Variants in HMOX1 observed in about 807,000 individuals in gnomAD.
HMOX1 encodes the protein heme oxygenase 1.
HMOX1 carries 22 observed loss-of-function variants against 27.8 expected under a neutral mutation model. The ratio of observed to expected loss-of-function variants is 0.79; its 90% CI spans 0.57 to 1.13. The LOEUF (loss-of-function observed/expected upper bound fraction) is 1.13, where lower values mean the gene tolerates loss of function less well. Among genes scored for constraint, HMOX1 ranks in the 50% most tolerant of loss-of-function variants. HMOX1 has a pLI of 0.00. For missense variants in HMOX1, 379 were observed against 377.7 expected (o/e 1.00, Z -0.03); for synonymous variants, 153 against 151.6 (o/e 1.01, Z -0.07).
At chr22:35,389,215 CTCTT>C (rs764232156) in intron 3 of HMOX1, among the ~76,000 whole-genome samples, 3,449 of 112,228 alleles carry the variant, frequency 0.031, 179 homozygotes, top group Non-Finnish European at 0.034. Context: ...CTTTCTTTCT[CTCTT>C]TCTTTCTTTC....
rs1474830059 is a variant in HMOX1 at position 35,389,299 on chromosome 22, CTTT to C, written c.637-564_637-562del. Among the ~76,000 whole-genome samples the C allele has an allele frequency of 5.8e-5, 4 of 69,526 alleles. No homozygotes were observed. The East Asian group carries it at 1.5e-3, about 26-fold the overall frequency. 45.6% of individuals were successfully genotyped at this position (69,526 alleles called of 152,430 possible). A position where few individuals can be genotyped will look rare whatever the true frequency, so the allele number is the denominator to read the frequency against. Reference sequence around the variant, plus strand: ...CCTCTCTCTCTCTCTCTTCTTTCTTCTTTCTTTCTTTCTTTCTTTCTTCTTTCT... The same window carrying C: ...CCTCTCTCTCTCTCTCTTCTTTCTTCCTTTCTTTCTTTCTTTCTTCTTTCT... On this transcript the variant is annotated intron_variant, in intron 3 of 4. Transcript: ENST00000216117.
chr22:35,393,780 GA>G lies in HMOX1; in HGVS notation c.*186del. On this transcript the variant is annotated 3_prime_UTR_variant, in exon 5 of 5. Coordinates refer to ENST00000216117, the MANE Select transcript of HMOX1 (RefSeq NM_002133.3). ...AGGAGCCTATGGCATCTTCCCCAAC[GA>G]AAAGCACATCCAGGCAATGGCCTAA... The G allele has an allele frequency of 2.7e-6, 2 of 736,178 alleles. No individual in the cohort carries two copies. The highest frequency in any genetic ancestry group is 4.7e-6 in the Non-Finnish European group (2 of 426,076). The allele number at this position is 736,178 out of a possible 1,614,324, so 45.6% of individuals were successfully genotyped here.
chr22:35,390,970 G>A (rs9622194), intron 4 of HMOX1, among the ~76,000 whole-genome samples: 18,168 of 152,188 alleles, frequency 0.12, 3,429 homozygotes, highest in African/African-American at 0.4. Context: ...AACACTGAGG[G>A]AGGGAGTGTG....
chr22:35,383,367 T>A, intron 2 of HMOX1, 141 bp downstream of exon 2: 1 of 991,050 alleles, frequency 1.0e-6, no homozygotes, highest in Non-Finnish European at 1.5e-6. Context: ...ATGATGACAC[T>A]GAGGCTCAGA....
chr22:35,389,292 C>CTT (rs1931611718), intron 3 of HMOX1, among the ~76,000 whole-genome samples: 1 of 113,732 alleles, frequency 8.8e-6, no homozygotes, highest in Non-Finnish European at 1.7e-5. Context: ...TCTCTCTCTT[C>CTT]TTTCTTCTTT....
At chr22:35,383,348 A>G (rs1337370899) in intron 2 of HMOX1, 122 bp downstream of exon 2, 18 of 1,127,192 alleles carry the variant, frequency 1.6e-5, no homozygotes, top group Non-Finnish European at 2.3e-5. Flanking sequence ...CAATAGAATC[A>G]TCTTAAAAAT....
chr22:35,381,240 C>T, intron 1 of HMOX1, 44 bp downstream of exon 1: 1 of 1,542,266 alleles, frequency 6.5e-7, no homozygotes, highest in Non-Finnish European at 8.7e-7. Flanking sequence ...CTTTCTCTCC[C>T]AACCCTGCTT....
Position 35,387,026 on chromosome 22 carries a change from G to A in HMOX1, c.486G>A (p.Glu162=). The change falls in exon 3 of 5, where the codon GAG becomes GAA. Residue 162 remains glutamate (E), a synonymous_variant. Coordinates refer to ENST00000216117, the MANE Select transcript of HMOX1 (RefSeq NM_002133.3). ...QKALDLPSSG[E]GLAFFTFPNI... is the part of the protein sequence containing the mutation. ...CCCTGGACCTGCCCAGCTCTGGCGAGGGCCTGGCCTTCTTCACCTTCCCCA... is the reference window on the plus strand; with the variant it reads ...CCCTGGACCTGCCCAGCTCTGGCGAAGGCCTGGCCTTCTTCACCTTCCCCA... 6.2e-7 allele frequency: 1 copy of A among 1,613,780 alleles called. No homozygotes were observed. Among genetic ancestry groups the A allele is most frequent in the South Asian group, 1.1e-5 (1 of 91,092 alleles).
At chr22:35,393,411 T>C in intron 4 of HMOX1, 57 bp from the exon 5 acceptor site, 1 of 1,612,082 alleles carries the variant, frequency 6.2e-7, no homozygotes, top group Non-Finnish European at 8.5e-7. Context: ...TCCTATGACA[T>C]CAGACACCCT....
At chr22:35,389,444 C>CTTTCTTTCT (rs1569057821) in intron 3 of HMOX1, among the ~76,000 whole-genome samples, 4 of 109,866 alleles carry the variant, frequency 3.6e-5, no homozygotes, top group Non-Finnish European at 5.2e-5. Context: ...TTCTTTCTTT[C>CTTTCTTTCT]TTTCTTTTCT....
intron 1 of HMOX1, among the ~76,000 whole-genome samples, chr22:35,382,846 C>CG (rs1393649415): frequency 1.3e-5 from 2 of 149,578 alleles, no homozygotes; most frequent in Non-Finnish European, 3.0e-5. Flanking sequence ...TTAGTAGAGA[C>CG]GGGGTTTCAC....
chr22:35,389,993 C>A, intron 4 of HMOX1, 30 bp downstream of exon 4: 1 of 1,420,068 alleles, frequency 7.0e-7, no homozygotes, highest in Non-Finnish European at 9.9e-7. Context: ...GGCACTTCCT[C>A]TGGGCTACAC....
At chr22:35,381,442 A>G in intron 1 of HMOX1, 1 of 581,018 alleles carries the variant, frequency 1.7e-6, no homozygotes, top group Non-Finnish European at 3.1e-6. Flanking sequence ...GTGTCCCTAG[A>G]GTATCCAGTC....
At chr22:35,384,842 G>C (rs971281573) in intron 2 of HMOX1, among the ~76,000 whole-genome samples, 3 of 150,500 alleles carry the variant, frequency 2.0e-5, no homozygotes, top group East Asian at 1.9e-4. Context: ...ATCTGCTCTA[G>C]GATAGGATAG....
chr22:35,393,233 A>G (rs768300554), intron 4 of HMOX1, among the ~76,000 whole-genome samples: 4 of 152,182 alleles, frequency 2.6e-5, no homozygotes, highest in African/African-American at 7.2e-5. Flanking sequence ...TGTTTTCACA[A>G]TGTGGCCTGG....
intron 2 of HMOX1, among the ~76,000 whole-genome samples, chr22:35,384,615 G>T (rs1395202185): frequency 1.3e-5 from 2 of 151,820 alleles, no homozygotes; most frequent in African/African-American, 2.4e-5. Context: ...TTCTAAGGAG[G>T]CGCCAAGATC....
chr22:35,381,439 T>A, intron 1 of HMOX1: 1 of 583,704 alleles, frequency 1.7e-6, no homozygotes, highest in Non-Finnish European at 3.0e-6. Flanking sequence ...GGAGTGTCCC[T>A]AGAGTATCCA....
In HMOX1 at chr22:35,393,573, T is replaced by C. The variant is rs1931781392; in HGVS notation, c.842T>C (p.Val281Ala). The change falls in exon 5 of 5, where the codon GTT (valine) becomes GCT (alanine). Residue 281 changes from valine (V) to alanine (A), a missense_variant. Coordinates refer to ENST00000216117, the MANE Select transcript of HMOX1 (RefSeq NM_002133.3). ...ACACTCAGCTTTCTGGTGGCGACAGTTGCTGTAGGGCTTTATGCCATGTGA... is the reference window on the plus strand; with the variant it reads ...ACACTCAGCTTTCTGGTGGCGACAGCTGCTGTAGGGCTTTATGCCATGTGA... The part of the protein sequence containing the change: ...VLTLSFLVAT[V>A]AVGLYAM 5 of 1,614,240 alleles carry C rather than the reference T, an allele frequency of 3.1e-6. No homozygotes were observed. The highest frequency in any genetic ancestry group is 3.4e-6 in the Non-Finnish European group (4 of 1,180,044).
intron 4 of HMOX1, among the ~76,000 whole-genome samples, chr22:35,392,234 A>AG (rs1363798893): frequency 6.6e-6 from 1 of 151,670 alleles, no homozygotes; most frequent in Non-Finnish European, 1.5e-5. Flanking sequence ...AAAAAAAAAA[A>AG]AAAGAAAGAA....
Sources: allele counts gnomAD v4.1 joint callset (sites outside exome capture counted in the v4.1 genomes callset), GRCh38; gene constraint gnomAD v4.1.1; transcripts MANE v1.5; gene names NCBI Gene and HGNC (gene_info 2026-07-23, HGNC 2026-07-21).